Variants in PBX1 observed in about 807,000 individuals in gnomAD.
PBX1 encodes PBX homeobox 1.
In PBX1, 6 loss-of-function variants were observed where a neutral mutation model predicts 53.4. The observed-to-expected ratio is 0.11, with a 90% CI of 0.06 to 0.22. The LOEUF is 0.22. Among genes scored for constraint, PBX1 ranks in the 10% least tolerant of loss-of-function variants. PBX1 has a pLI of 1.00. For synonymous variants in PBX1, 204 were observed against 212.3 expected (o/e 0.96, Z 0.34); for missense variants, 251 against 551.4 (o/e 0.46, Z 5.46).
intron 2 of PBX1, among the ~76,000 whole-genome samples, chr1:164,634,574 G>A (rs950005753): frequency 3.3e-5 from 5 of 152,076 alleles, no homozygotes; most frequent in South Asian, 2.1e-4. Context: ...TTTGGGTTTC[G>A]TTTCTGGAAT....
Position 164,590,807 on chromosome 1 carries a change from C to A in PBX1, c.265+27496C>A, listed in dbSNP as rs138245174. Among the ~76,000 whole-genome samples the A allele has an allele frequency of 4.3e-3, 655 of 152,046 alleles. 3 individuals are homozygous for A. Among genetic ancestry groups the A allele is most frequent in the Non-Finnish European group, 6.7e-3 (458 of 67,980 alleles). On this transcript the variant is annotated intron_variant, in intron 2 of 8. Coordinates refer to ENST00000420696, the MANE Select transcript of PBX1 (RefSeq NM_002585.4). Reference sequence around the variant, plus strand: ...AGATTCAGGATATTAAAAAAAAAATCTCTGACTGCATGATTACCCTTCCAG... The same window carrying A: ...AGATTCAGGATATTAAAAAAAAAATATCTGACTGCATGATTACCCTTCCAG...
At chr1:164,645,700 A>T (rs1162346085) in intron 2 of PBX1, among the ~76,000 whole-genome samples, 5 of 152,180 alleles carry the variant, frequency 3.3e-5, no homozygotes, top group African/African-American at 1.2e-4. Flanking sequence ...ACACACAGAT[A>T]TATACCTCAC....
At chr1:164,852,992 TG>T (rs1671893576), downstream of PBX1, among the ~76,000 whole-genome samples, 1 of 152,230 alleles carries the variant, frequency 6.6e-6, no homozygotes, top group Non-Finnish European at 1.5e-5. Flanking sequence ...ACTAAATAGA[TG>T]TAAGAAACAG....
At chr1:164,710,670 CA>C (rs1256329210) in intron 2 of PBX1, among the ~76,000 whole-genome samples, 3 of 152,154 alleles carry the variant, frequency 2.0e-5, no homozygotes, top group African/African-American at 7.2e-5. Flanking sequence ...CTTGGCCCCC[CA>C]AAGTGCTGGG....
intron 8 of PBX1, among the ~76,000 whole-genome samples, chr1:164,823,726 C>T (rs1257132000): frequency 6.6e-6 from 1 of 152,028 alleles, no homozygotes; most frequent in Non-Finnish European, 1.5e-5. Flanking sequence ...ATGACATAAG[C>T]CCACCACAAA....
At chr1:164,876,771 C>T (rs559363404) in intron 2 of PBX1, among the ~76,000 whole-genome samples, 47 of 152,204 alleles carry the variant, frequency 3.1e-4, no homozygotes, top group African/African-American at 1.1e-3. Context: ...AGGGGAGAGT[C>T]CTCCAGGGAA....
rs563783595 is a variant in PBX1 at position 164,707,874 on chromosome 1, C to T, written c.266-84620C>T. ...GGACTAAGAACCAAGCAAATGCTTT[C>T]GATTGCGCTATCTTGATTAGAAGCC... On this transcript the variant is annotated intron_variant, in intron 2 of 8. Coordinates refer to ENST00000420696, the MANE Select transcript of PBX1 (RefSeq NM_002585.4). 3.9e-5 allele frequency among the ~76,000 whole-genome samples: 6 copies of T among 152,274 alleles called. No individual in the cohort carries two copies. In the East Asian group the frequency reaches 5.8e-4, roughly 15 times the overall value.
At chr1:164,836,444 G>C (rs567432732) in intron 8 of PBX1, among the ~76,000 whole-genome samples, 1 of 152,180 alleles carries the variant, frequency 6.6e-6, no homozygotes, top group East Asian at 1.9e-4. Context: ...AATAAAAGAG[G>C]GTGTCCCCCA....
chr1:164,640,558 G>GTTTTTTTTTTTTT (rs1377884988), intron 2 of PBX1, among the ~76,000 whole-genome samples: 3 of 41,370 alleles, frequency 7.3e-5, no homozygotes, highest in Non-Finnish European at 1.2e-4. Flanking sequence ...TTTTTTTTGT[G>GTTTTTTTTTTTTT]TTTTTTTTTT....
At chr1:164,582,809 A>G (rs372417495) in intron 2 of PBX1, among the ~76,000 whole-genome samples, 39 of 152,310 alleles carry the variant, frequency 2.6e-4, no homozygotes, top group African/African-American at 9.4e-4. Flanking sequence ...ATGTTTTACC[A>G]TAGCCCTTTA....
intron 6 of PBX1, chr1:164,817,930 T>C (rs1407656470): frequency 6.6e-6 from 1 of 152,202 alleles, no homozygotes; most frequent in East Asian, 1.9e-4. Flanking sequence ...GTTGACTCTC[T>C]GGGTGATGAG....
At chr1:164,885,727 CT>C in intron 2 of PBX1, among the ~76,000 whole-genome samples, 1 of 151,560 alleles carries the variant, frequency 6.6e-6, no homozygotes, top group East Asian at 1.9e-4. Flanking sequence ...TGGGGACAGT[CT>C]TTCCCAGATA....
intron 2 of PBX1, among the ~76,000 whole-genome samples, chr1:164,870,218 T>TTTCCTTCCCTCCTTCC (rs1672320343): frequency 1.8e-5 from 1 of 55,124 alleles, no homozygotes; most frequent in Admixed American, 2.0e-4. Context: ...CTTTTCTTTC[T>TTTCCTTCCCTCCTTCC]TTCCTTCCTT....
intron 2 of PBX1, among the ~76,000 whole-genome samples, chr1:164,570,309 T>C (rs954841377): frequency 3.3e-5 from 5 of 152,142 alleles, no homozygotes; most frequent in Non-Finnish European, 1.5e-5. Flanking sequence ...GCTCTACCCA[T>C]CAACCCGTCA....
intron 8 of PBX1, among the ~76,000 whole-genome samples, chr1:164,830,143 G>T (rs1317104130): frequency 6.6e-6 from 1 of 152,112 alleles, no homozygotes; most frequent in African/African-American, 2.4e-5. Context: ...AAATGTGATG[G>T]TGTGCAAGAG....
At chr1:164,634,647 G>A (rs1444297227) in intron 2 of PBX1, among the ~76,000 whole-genome samples, 1 of 152,076 alleles carries the variant, frequency 6.6e-6, no homozygotes, top group Non-Finnish European at 1.5e-5. Flanking sequence ...AGGAAGTGTT[G>A]GCTCCCCATT....
At chr1:164,600,234 A>G (rs1010182842) in intron 2 of PBX1, among the ~76,000 whole-genome samples, 3 of 148,784 alleles carry the variant, frequency 2.0e-5, no homozygotes, top group South Asian at 2.1e-4. Flanking sequence ...AAGAGCCTAA[A>G]GTATGCTGCT....
intron 2 of PBX1, among the ~76,000 whole-genome samples, chr1:164,767,282 A>T (rs1271879176): frequency 1.3e-5 from 2 of 152,196 alleles, no homozygotes; most frequent in African/African-American, 4.8e-5. Flanking sequence ...AAGTATTTCA[A>T]GATGGCGTCA....
intron 2 of PBX1, among the ~76,000 whole-genome samples, chr1:164,643,959 T>C (rs1357120402): frequency 2.6e-5 from 4 of 152,224 alleles, no homozygotes; most frequent in Non-Finnish European, 5.9e-5. Flanking sequence ...TTATTGCTTG[T>C]ATATTCTTTG....
Sources: allele counts gnomAD v4.1 joint callset (sites outside exome capture counted in the v4.1 genomes callset), GRCh38; gene constraint gnomAD v4.1.1; transcripts MANE v1.5; gene names NCBI Gene and HGNC (gene_info 2026-07-23, HGNC 2026-07-21).